Variants in CEP164 observed in about 807,000 individuals in gnomAD.
CEP164 encodes the protein centrosomal protein 164.
A neutral mutation model predicts 182.7 loss-of-function variants in CEP164; 162 were observed. That is an observed-to-expected ratio of 0.89 (90% CI 0.78 to 1.01). The LOEUF (loss-of-function observed/expected upper bound fraction) is 1.01. Among genes scored for constraint, CEP164 ranks in the 50% least tolerant of loss-of-function variants. The pLI is 0.00. For missense variants in CEP164, 1,735 were observed against 1,790.4 expected (o/e 0.97, Z 0.56); for synonymous variants, 661 against 690.0 (o/e 0.96, Z 0.66).
Position 117,411,171 on chromosome 11 carries a change from G to T in CEP164, c.4163+277G>T. The T allele has an allele frequency of 2.4e-6, 1 of 416,088 alleles. No homozygotes were observed. Among genetic ancestry groups the T allele is most frequent in the East Asian group, 4.1e-5 (1 of 24,438 alleles). The allele number at this position is 416,088 out of a possible 1,614,324, so 25.8% of individuals were successfully genotyped here. A position where few individuals can be genotyped will look rare whatever the true frequency, so the allele number is the denominator to read the frequency against. ...AGGAAGCTGCCCTCTGGCCCCTGTG[G>T]GGAGGAGTCAGCCCCTGGTGGGACC... On this transcript the variant is annotated intron_variant, in intron 31 of 32. Transcript: ENST00000278935. This position sits in a 1 kb window ranked among gnomAD's most constrained non-coding sequence, Gnocchi z 4.4.
intron 8 of CEP164, among the ~76,000 whole-genome samples, chr11:117,365,230 TTCTG>T (rs1230089116): frequency 6.6e-6 from 1 of 152,236 alleles, no homozygotes; most frequent in African/African-American, 2.4e-5. Context: ...CCCTATTCAT[TTCTG>T]TATGGCCAGG....
chr11:117,407,313 T>A (rs2046803431), intron 27 of CEP164, among the ~76,000 whole-genome samples: 1 of 151,416 alleles, frequency 6.6e-6, no homozygotes, highest in South Asian at 2.1e-4. Flanking sequence ...ATGAGAGTAA[T>A]CATAATTGGA....
Position 117,411,071 on chromosome 11 carries a change from T to C in CEP164, c.4163+177T>C, listed in dbSNP as rs1000319217. On this transcript the variant is annotated intron_variant, in intron 31 of 32. Transcript: ENST00000278935. This position sits in a 1 kb window ranked among gnomAD's most constrained non-coding sequence, Gnocchi z 4.4. ...TGCCTGGGTCTGAGGCGCCCCTCCA[T>C]GACCAGGGGAAAGTCAAGTTCACAC... 8.4e-6 allele frequency: 5 copies of C among 595,682 alleles called. No homozygotes were observed. The highest frequency in any genetic ancestry group is 7.4e-5 in the African/African-American group (4 of 54,350). The allele number at this position is 595,682 out of a possible 1,614,324, so 36.9% of individuals were successfully genotyped here. A position where few individuals can be genotyped will look rare whatever the true frequency, so the allele number is the denominator to read the frequency against.
chr11:117,361,859 G>T lies in CEP164; in HGVS notation c.418G>T (p.Val140Phe). ...GGCCTTGGGTTCCTCATTAGCCCCA[G>T]TTCATGTTCCTCTTGGGGGCCTGGC... ...SLALGSSLAPVHVPLGGLAPL... is the reference protein window; with the variant it reads ...SLALGSSLAPFHVPLGGLAPL... The change falls in exon 6 of 33, where the codon GTT becomes TTT. Residue 140 changes from valine to phenylalanine, a missense_variant. Val to Phe is a conservative substitution (Grantham distance 50, BLOSUM62 -1). Transcript: ENST00000278935. 1.9e-6 allele frequency: 3 copies of T among 1,614,242 alleles called. No homozygotes were observed. Among genetic ancestry groups the T allele is most frequent in the Non-Finnish European group, 2.5e-6 (3 of 1,180,048 alleles).
intron 9 of CEP164, among the ~76,000 whole-genome samples, chr11:117,371,792 G>C (rs1035975273): frequency 9.9e-6 from 1 of 101,502 alleles, no homozygotes; most frequent in Non-Finnish European, 2.0e-5. Context: ...CCTCCCTCTT[G>C]TACTTTTTTT....
rs1274290010 is a variant in CEP164, at chr11:117,392,580, C to T, written c.2446C>T (p.His816Tyr). The stretch of plus-strand genomic sequence containing the variant: ...GCAGAAGTGCCTTGGGCAAGTGGAG[C>T]ACAGAGTTCACCAGAAGTCTTATCA... ...QLQKCLGQVE[H>Y]RVHQKSYHVA... Residue 816 changes from histidine (H) to tyrosine (Y), a missense_variant, in exon 19 of 33, where the codon CAC becomes TAC. Coordinates refer to ENST00000278935, the MANE Select transcript of CEP164 (RefSeq NM_014956.5). 3.7e-6 allele frequency: 6 copies of T among 1,614,046 alleles called. No homozygotes were observed. The highest frequency in any genetic ancestry group is 1.3e-5 in the African/African-American group (1 of 74,938).
chr11:117,356,132 T>C, intron 5 of CEP164: 1 of 1,037,082 alleles, frequency 9.6e-7, no homozygotes, highest in Non-Finnish European at 1.2e-6. Context: ...TCAGTCAGAC[T>C]CGGGTCTCAG....
Position 117,394,224 on chromosome 11 carries a change from T to C in CEP164, c.2617-126T>C, listed in dbSNP as rs777675647. 4.1e-5 allele frequency: 53 copies of C among 1,278,498 alleles called. No homozygotes were observed. Among genetic ancestry groups the C allele is most frequent in the Non-Finnish European group, 5.5e-5 (51 of 928,590 alleles). The allele number at this position is 1,278,498 out of a possible 1,614,324, so 79.2% of individuals were successfully genotyped here. ...TGTAACCCTCCTCTTCTCCAAGAGC[T>C]GGCTTTAGGGAGCCGATGGTGTCCC... On this transcript the variant is annotated intron_variant, in intron 20 of 32. Transcript: ENST00000278935. This position sits in a 1 kb window ranked among gnomAD's most constrained non-coding sequence, Gnocchi z 4.0.
intron 1 of CEP164, among the ~76,000 whole-genome samples, chr11:117,321,870 G>T (rs28588644): frequency 1.3e-5 from 2 of 150,142 alleles, no homozygotes; most frequent in South Asian, 2.1e-4. Flanking sequence ...AAATTTTTGG[G>T]TTTTTTTTTA....
At position 117,409,696 on chromosome 11, in the gene CEP164, G is replaced by A; in HGVS notation, c.3827G>A (p.Ser1276Asn). 3 of 1,614,166 alleles carry A rather than the reference G, an allele frequency of 1.9e-6. No individual in the cohort carries two copies. The highest frequency in any genetic ancestry group is 2.5e-6 in the Non-Finnish European group (3 of 1,180,018). ...CTCCGGCAGATCAGCAGCCAGCTGA[G>A]CAGTGTCCTCAGCATCCTGGACAGC... Reference protein sequence around the residue: ...HSLRQISSQLSSVLSILDSLN... With the variant: ...HSLRQISSQLNSVLSILDSLN... Residue 1276 changes from serine to asparagine, a missense_variant, in exon 30 of 33, where the codon AGC (serine) becomes AAC (asparagine). Ser to Asn is a conservative substitution (Grantham distance 46). Transcript: ENST00000278935. The surrounding 1 kb of genome is among the most constrained non-coding windows in gnomAD (Gnocchi z 4.4).
In CEP164 at chr11:117,381,681, G is replaced by C. The variant is rs749252841; in HGVS notation, c.1410-20G>C. On this transcript the variant is annotated intron_variant, in intron 12 of 32. Coordinates refer to ENST00000278935, the MANE Select transcript of CEP164 (RefSeq NM_014956.5). ...CCAAATGGAGGGGCCTGACTCTGCT[G>C]CTCTGCCCGGCCTGACCAGGTTATC... is the stretch of plus-strand genomic sequence containing the variant. 1 of 1,599,816 alleles carries C rather than the reference G, an allele frequency of 6.3e-7. No individual in the cohort carries two copies. Among genetic ancestry groups the C allele is most frequent in the African/African-American group, 1.3e-5 (1 of 74,670 alleles).
intron 8 of CEP164, among the ~76,000 whole-genome samples, chr11:117,365,104 G>A (rs1018646500): frequency 2.0e-5 from 3 of 152,190 alleles, no homozygotes; most frequent in Admixed American, 6.5e-5. Flanking sequence ...AGATGCTCAG[G>A]CTTTGTGCCT....
At chr11:117,355,004 GGGC>G in intron 5 of CEP164, 1 of 1,289,704 alleles carries the variant, frequency 7.8e-7, no homozygotes, top group Non-Finnish European at 1.0e-6. Context: ...GTCAGCACCT[GGGC>G]TTGCTGATCT....
At chr11:117,373,724 G>T (rs1294317339) in intron 9 of CEP164, 27 bp from the exon 10 acceptor site, 10 of 1,602,970 alleles carry the variant, frequency 6.2e-6, no homozygotes, top group Non-Finnish European at 8.5e-6. Flanking sequence ...TGCTCTGAGG[G>T]ATTTCTCTGT....
chr11:117,324,064 C>G (rs769544963), upstream of CEP164: 2 of 235,186 alleles, frequency 8.5e-6, no homozygotes, highest in African/African-American at 2.3e-5. Context: ...AAATATGACC[C>G]CTAAATGTTC....
rs2042169891 is a variant in CEP164 at position 117,371,263 on chromosome 11, G to T, written c.949G>T (p.Glu317Ter). 1 of 1,614,244 alleles carries T rather than the reference G, an allele frequency of 6.2e-7. No homozygotes were observed. The highest frequency in any genetic ancestry group is 8.5e-7 in the Non-Finnish European group (1 of 1,180,044). Reference sequence around the variant, plus strand: ...TGGTCTTCCAGAAAAAGAGGAAAATGAGAAGAGTGAACCTAAGATTTGCAG... The same window carrying T: ...TGGTCTTCCAGAAAAAGAGGAAAATTAGAAGAGTGAACCTAAGATTTGCAG... The part of the protein sequence containing the change: ...RPGLPEKEEN[E>*]KSEPKICRNL... Residue 317 changes from glutamate to a stop codon, truncating the protein, a stop_gained, in exon 9 of 33, where the codon GAG becomes TAG. Transcript: ENST00000278935. LOFTEE classifies it high-confidence loss of function.
chr11:117,410,163 G>A, intron 30 of CEP164, 198 bp downstream of exon 30: 2 of 698,502 alleles, frequency 2.9e-6, no homozygotes, highest in Non-Finnish European at 2.6e-6. Flanking sequence ...AGGAGACATT[G>A]CAGGTGGCCC....
chr11:117,353,510 A>G (rs2039925709), intron 5 of CEP164, among the ~76,000 whole-genome samples: 1 of 152,180 alleles, frequency 6.6e-6, no homozygotes, highest in Non-Finnish European at 1.5e-5. Flanking sequence ...AGACGGAATG[A>G]AGTGAGGGTT....
chr11:117,373,651 C>T (rs1778532093), intron 9 of CEP164, 100 bp from the exon 10 acceptor site: 1 of 956,012 alleles, frequency 1.0e-6, no homozygotes, highest in Non-Finnish European at 1.7e-6. Context: ...TTGACCTGAG[C>T]CCTATATTGG....
Sources: allele counts gnomAD v4.1 joint callset (sites outside exome capture counted in the v4.1 genomes callset), GRCh38; gene constraint gnomAD v4.1.1; non-coding constraint Gnocchi (gnomAD v3.1); transcripts MANE v1.5; gene names NCBI Gene and HGNC (gene_info 2026-07-23, HGNC 2026-07-21).